The following CSMD1 variants were observed in gnomAD, a reference collection of about 807,000 sequenced individuals.
CSMD1 encodes CUB and Sushi multiple domains 1.
CSMD1 carries 213 observed loss-of-function variants against 417.5 expected under a neutral mutation model. That is an observed-to-expected ratio of 0.51 (90% CI 0.46 to 0.57). CSMD1 has a LOEUF of 0.57. CSMD1 is among the 20% of genes least tolerant of loss of function. The pLI is 0.00. For synonymous variants in CSMD1, 2,862 were observed against 1,736.8 expected (o/e 1.65, Z -16.11); for missense variants, 6,923 against 4,529.7 (o/e 1.53, Z -15.17).
At chr8:4,123,605 G>GA (rs1478718427) in intron 3 of CSMD1, among the ~76,000 whole-genome samples, 4 of 152,068 alleles carry the variant, frequency 2.6e-5, no homozygotes, top group African/African-American at 2.4e-5. Flanking sequence ...TATCACTTTT[G>GA]AAAAAAAGTC....
intron 4 of CSMD1, among the ~76,000 whole-genome samples, chr8:4,000,279 G>C: frequency 6.6e-6 from 1 of 152,134 alleles, no homozygotes; most frequent in African/African-American, 2.4e-5. Context: ...CACTTCCCTG[G>C]TCAACTGAGA....
At chr8:3,893,295 T>G (rs1413727343) in intron 5 of CSMD1, among the ~76,000 whole-genome samples, 1 of 137,142 alleles carries the variant, frequency 7.3e-6, no homozygotes, top group Non-Finnish European at 1.6e-5. Context: ...GATTTCTTAT[T>G]GTAAAGAAAA....
intron 7 of CSMD1, among the ~76,000 whole-genome samples, chr8:3,620,773 T>A (rs10105617): frequency 1.2e-4 from 18 of 152,054 alleles, no homozygotes; most frequent in Middle Eastern, 3.4e-3. Flanking sequence ...GAAAGACATA[T>A]GAAAATTGAA....
chr8:4,557,569 A>C (rs1294516964), intron 2 of CSMD1, among the ~76,000 whole-genome samples: 2 of 151,502 alleles, frequency 1.3e-5, no homozygotes, highest in Non-Finnish European at 2.9e-5. Flanking sequence ...AAACAACAGT[A>C]TTAAGATACT....
chr8:3,648,580 G>C (rs979591727), intron 7 of CSMD1, among the ~76,000 whole-genome samples: 1 of 152,140 alleles, frequency 6.6e-6, no homozygotes, highest in African/African-American at 2.4e-5. Context: ...TTGGAACTTT[G>C]TTTTGATTTT....
At chr8:3,457,208 C>T (rs921951773) in intron 12 of CSMD1, among the ~76,000 whole-genome samples, 3 of 151,844 alleles carry the variant, frequency 2.0e-5, no homozygotes, top group Admixed American at 6.6e-5. Flanking sequence ...CCTGGACCCC[C>T]TCATCCTGCC....
intron 2 of CSMD1, among the ~76,000 whole-genome samples, chr8:4,564,382 A>C (rs749897075): frequency 1.3e-5 from 2 of 152,194 alleles, no homozygotes; most frequent in African/African-American, 2.4e-5. Context: ...GAATTAAACC[A>C]CAAATATGTG....
At chr8:3,929,763 G>C (rs1037446196) in intron 5 of CSMD1, among the ~76,000 whole-genome samples, 2 of 149,632 alleles carry the variant, frequency 1.3e-5, no homozygotes, top group African/African-American at 4.9e-5. Flanking sequence ...CTGGATACAA[G>C]CAATTCTCCT....
chr8:4,623,459 C>T (rs531717094), intron 2 of CSMD1, among the ~76,000 whole-genome samples: 1 of 152,110 alleles, frequency 6.6e-6, no homozygotes, highest in African/African-American at 2.4e-5. Context: ...AACATACTAC[C>T]CACCCATTCC....
chr8:3,636,399 G>C (rs1047989842), intron 7 of CSMD1, among the ~76,000 whole-genome samples: 1 of 152,014 alleles, frequency 6.6e-6, no homozygotes, highest in Admixed American at 6.5e-5. Flanking sequence ...GCTGGTCTCA[G>C]ACTCCTGACC....
At chr8:3,540,572 A>G (rs1201196993) in intron 10 of CSMD1, among the ~76,000 whole-genome samples, 2 of 152,236 alleles carry the variant, frequency 1.3e-5, no homozygotes, top group African/African-American at 4.8e-5. Context: ...CGACAAAAGA[A>G]ACTATCATCT....
intron 27 of CSMD1, among the ~76,000 whole-genome samples, chr8:3,225,187 A>G (rs1250907899): frequency 6.6e-6 from 1 of 150,870 alleles, no homozygotes; most frequent in African/African-American, 2.4e-5. Context: ...CTTATTTAAC[A>G]TTTCTGAAAA....
Position 3,669,917 on chromosome 8 carries a change from T to C in CSMD1, c.1009+38497A>G, listed in dbSNP as rs118065225. Among the ~76,000 whole-genome samples, 11 of 152,222 alleles carry C rather than the reference T, an allele frequency of 7.2e-5. No individual in the cohort carries two copies. The South Asian group carries it at 2.1e-3, about 29-fold the overall frequency. On this transcript the variant is annotated intron_variant, in intron 7 of 69. Coordinates refer to ENST00000635120, the MANE Select transcript of CSMD1 (RefSeq NM_033225.6). The stretch of plus-strand genomic sequence containing the variant: ...TCTTCTTTCTTAACATTTGAGGAAA[T>C]GAAGATGTTTGAGACTTTAAATAAC...
At chr8:4,739,045 A>T (rs1810430880) in intron 1 of CSMD1, among the ~76,000 whole-genome samples, 1 of 152,152 alleles carries the variant, frequency 6.6e-6, no homozygotes, top group Admixed American at 6.6e-5. Flanking sequence ...AGTGTGAGTA[A>T]CTGATATATT....
At chr8:4,442,939 C>T (rs749201570) in intron 2 of CSMD1, among the ~76,000 whole-genome samples, 5 of 152,108 alleles carry the variant, frequency 3.3e-5, no homozygotes, top group South Asian at 2.1e-4. Context: ...TGTCCCTCAA[C>T]GTAATGTATC....
At chr8:3,806,142 G>A (rs1269271754) in intron 5 of CSMD1, among the ~76,000 whole-genome samples, 2 of 152,138 alleles carry the variant, frequency 1.3e-5, no homozygotes, top group Admixed American at 6.6e-5. Flanking sequence ...AAACAGCACA[G>A]TTCTGCCTGA....
intron 7 of CSMD1, among the ~76,000 whole-genome samples, chr8:3,680,616 G>T (rs893500359): frequency 6.6e-6 from 1 of 152,136 alleles, no homozygotes; most frequent in Non-Finnish European, 1.5e-5. Flanking sequence ...GTACAAAGAG[G>T]AGCAGGTACC....
intron 3 of CSMD1, among the ~76,000 whole-genome samples, chr8:4,309,878 A>G (rs1467077743): frequency 2.0e-5 from 3 of 152,166 alleles, no homozygotes; most frequent in African/African-American, 7.2e-5. Flanking sequence ...ATCACTTCAG[A>G]GGGTCTTACA....
Position 3,087,536 on chromosome 8 carries a change from G to C in CSMD1, c.7286-251C>G, listed in dbSNP as rs935440401. On this transcript the variant is annotated intron_variant, in intron 48 of 69. Transcript: ENST00000635120. ...GCTAGGATCCTGAATACAGTACTGT[G>C]AGAAACATCAAGAGTATCCAATCTT... Among the ~76,000 whole-genome samples the C allele has an allele frequency of 2.0e-5, 3 of 152,194 alleles. 1 individual carries two copies. The highest frequency in any genetic ancestry group is 7.2e-5 in the African/African-American group (3 of 41,462).
Sources: allele counts gnomAD v4.1 joint callset (sites outside exome capture counted in the v4.1 genomes callset), GRCh38; gene constraint gnomAD v4.1.1; transcripts MANE v1.5; gene names NCBI Gene and HGNC (gene_info 2026-07-23, HGNC 2026-07-21).